ROBO1: variants seen among roughly 807,000 people sequenced by gnomAD.
ROBO1 encodes the protein roundabout homolog 1.
Under a neutral mutation model 195.9 loss-of-function variants are expected in ROBO1, and 149 were observed. The observed-to-expected ratio is 0.76, with a 90% CI of 0.67 to 0.87. The LOEUF (loss-of-function observed/expected upper bound fraction) is 0.87, where lower values mean the gene tolerates loss of function less well. Ranked by LOEUF, ROBO1 falls within the 40% of genes least tolerant of loss-of-function variation. The probability of loss-of-function intolerance (pLI) is 0.00; values close to 1 mark genes in which losing one functional copy is unlikely to be tolerated. For synonymous variants in ROBO1, 816 were observed against 733.2 expected, an observed-to-expected ratio of 1.11 and a Z score of -1.82; for missense variants, 1,933 against 2,068.3, an observed-to-expected ratio of 0.93 and a Z score of 1.27.
At chr3:78,863,564 G>A (rs2034983031) in intron 4 of ROBO1, among the ~76,000 whole-genome samples, 1 of 152,142 alleles carries the variant, frequency 6.6e-6, no homozygotes, top group Non-Finnish European at 1.5e-5. Context: ...TGAGCCAACA[G>A]CTCCTCTCAG....
At chr3:79,592,876 C>T (rs1944048916) in intron 1 of ROBO1, among the ~76,000 whole-genome samples, 1 of 151,994 alleles carries the variant, frequency 6.6e-6, no homozygotes, top group South Asian at 2.1e-4. Flanking sequence ...CCTAAAAATC[C>T]TTTGTGCTTC....
chr3:78,600,666 A>T (rs1440191728), intron 29 of ROBO1, among the ~76,000 whole-genome samples: 1 of 152,138 alleles, frequency 6.6e-6, no homozygotes, highest in East Asian at 1.9e-4. Flanking sequence ...TTTAGGCTTT[A>T]GTTTCTACTT....
intron 4 of ROBO1, among the ~76,000 whole-genome samples, chr3:78,903,916 G>C (rs141470535): frequency 1.3e-5 from 2 of 151,886 alleles, no homozygotes; most frequent in Admixed American, 6.6e-5. Flanking sequence ...AGTGATTGGG[G>C]TAAGTTAACT....
intron 8 of ROBO1, among the ~76,000 whole-genome samples, chr3:78,695,625 CAAA>C (rs1172592248): frequency 7.3e-5 from 4 of 54,508 alleles, no homozygotes; most frequent in Non-Finnish European, 7.3e-5. Flanking sequence ...ACTCTTGTCT[CAAA>C]AAAAAAAAAA....
At chr3:79,500,812 A>G (rs763762183) in intron 2 of ROBO1, among the ~76,000 whole-genome samples, 2 of 152,174 alleles carry the variant, frequency 1.3e-5, no homozygotes, top group Non-Finnish European at 2.9e-5. Context: ...CTAATATATC[A>G]TCTATTCCAA....
intron 5 of ROBO1, among the ~76,000 whole-genome samples, chr3:78,720,585 C>T (rs1476556139): frequency 6.6e-6 from 1 of 152,156 alleles, no homozygotes; most frequent in Non-Finnish European, 1.5e-5. Flanking sequence ...TCAGCCATCC[C>T]ATTACTGGGT....
At chr3:79,398,541 G>T (rs184567612) in intron 2 of ROBO1, among the ~76,000 whole-genome samples, 1 of 152,132 alleles carries the variant, frequency 6.6e-6, no homozygotes, top group African/African-American at 2.4e-5. Context: ...TCTTTCATAA[G>T]GTAGTTGTAT....
At chr3:78,930,010 C>T (rs2039425661) in intron 4 of ROBO1, among the ~76,000 whole-genome samples, 1 of 152,028 alleles carries the variant, frequency 6.6e-6, no homozygotes, top group Non-Finnish European at 1.5e-5. Context: ...GTAATGTTAT[C>T]CCCAAAAGAG....
intron 2 of ROBO1, among the ~76,000 whole-genome samples, chr3:79,502,289 CG>C (rs1940121131): frequency 6.6e-6 from 1 of 152,086 alleles, no homozygotes; most frequent in Non-Finnish European, 1.5e-5. Flanking sequence ...GGGCTGCGCG[CG>C]GCGCTTGCGG....
chr3:78,830,296 T>C (rs1415784317), intron 4 of ROBO1, among the ~76,000 whole-genome samples: 1 of 152,210 alleles, frequency 6.6e-6, no homozygotes, highest in Non-Finnish European at 1.5e-5. Flanking sequence ...GTTTCTTTCA[T>C]CACTGACCAT....
In ROBO1 at chr3:79,463,399, C is replaced by CAA. The variant is rs139236000; in HGVS notation, c.88+126423_88+126424dup. ...CAAAAAAAAAACATAAAACAAAAAA[C>CAA]AAAAAACAAAAAACCACAAACCTTT... On this transcript the variant is annotated intron_variant, in intron 2 of 30. Transcript: ENST00000464233. Among the ~76,000 whole-genome samples, 101 of 140,510 alleles carry CAA rather than the reference C, an allele frequency of 7.2e-4. 1 individual carries two copies. Among genetic ancestry groups the CAA allele is most frequent in the African/African-American group, 1.7e-3 (62 of 36,594 alleles). The allele number at this position is 140,510 out of a possible 152,430, so 92.2% of individuals were successfully genotyped here.
intron 2 of ROBO1, among the ~76,000 whole-genome samples, chr3:79,128,959 T>C (rs1389233072): frequency 1.3e-5 from 2 of 152,194 alleles, no homozygotes; most frequent in Admixed American, 6.6e-5. Context: ...CCAGATTTCA[T>C]CCTGTTCTTT....
chr3:78,797,329 A>C (rs1373079160), intron 4 of ROBO1, among the ~76,000 whole-genome samples: 2 of 152,218 alleles, frequency 1.3e-5, no homozygotes, highest in Non-Finnish European at 2.9e-5. Context: ...TGTTTACATT[A>C]CTTGGTATTG....
rs564052391 is a variant in ROBO1 at position 79,598,865 on chromosome 3, C to T, written c.-50-8904G>A. Reference sequence around the variant, plus strand: ...TCTGCTTCCAGGAAGGAGAAAACAGCAGCTAATTCCACTGCCTGCAACATC... The same window carrying T: ...TCTGCTTCCAGGAAGGAGAAAACAGTAGCTAATTCCACTGCCTGCAACATC... On this transcript the variant is annotated intron_variant, in intron 1 of 30. Coordinates refer to ENST00000464233, the MANE Select transcript of ROBO1 (RefSeq NM_002941.4). Among the ~76,000 whole-genome samples the T allele has an allele frequency of 6.8e-4, 103 of 152,180 alleles. No homozygotes were observed. The Middle Eastern group carries it at 0.01, about 15-fold the overall frequency.
At chr3:78,838,965 G>C (rs1438349385) in intron 4 of ROBO1, among the ~76,000 whole-genome samples, 1 of 152,184 alleles carries the variant, frequency 6.6e-6, no homozygotes, top group Non-Finnish European at 1.5e-5. Flanking sequence ...CTGGGCTAGT[G>C]TCATGTTTTC....
intron 4 of ROBO1, among the ~76,000 whole-genome samples, chr3:78,798,952 T>C (rs2084269447): frequency 6.6e-6 from 1 of 152,046 alleles, no homozygotes. Flanking sequence ...GATAGAAAAA[T>C]TACAAAACAA....
chr3:79,634,912 A>G (rs1945452579), intron 1 of ROBO1, among the ~76,000 whole-genome samples: 1 of 152,206 alleles, frequency 6.6e-6, no homozygotes, highest in Non-Finnish European at 1.5e-5. Context: ...CAACACAATT[A>G]CAAGAGAAAA....
intron 3 of ROBO1, among the ~76,000 whole-genome samples, chr3:79,030,634 T>C (rs1483497040): frequency 6.6e-6 from 1 of 152,264 alleles, no homozygotes; most frequent in African/African-American, 2.4e-5. Context: ...TAAATGCTTA[T>C]ACATCTTCAT....
intron 28 of ROBO1, 177 bp from the exon 29 acceptor site, chr3:78,607,218 A>T: frequency 1.6e-6 from 1 of 624,514 alleles, no homozygotes; most frequent in Non-Finnish European, 2.7e-6. Flanking sequence ...ATGTTTATTT[A>T]TTTATTTATT....
Sources: allele counts gnomAD v4.1 joint callset (sites outside exome capture counted in the v4.1 genomes callset), GRCh38; gene constraint gnomAD v4.1.1; transcripts MANE v1.5; gene names NCBI Gene and HGNC (gene_info 2026-07-23, HGNC 2026-07-21).